Variants in TMEM132C observed in about 807,000 individuals in gnomAD.
TMEM132C encodes the protein transmembrane protein 132C.
TMEM132C carries 29 observed loss-of-function variants against 61.4 expected under a neutral mutation model. The observed-to-expected ratio is 0.47, with a 90% CI of 0.35 to 0.64. The LOEUF (loss-of-function observed/expected upper bound fraction) is 0.64, where lower values mean the gene tolerates loss of function less well. TMEM132C is among the 30% of genes least tolerant of loss of function. TMEM132C has a pLI of 0.00. For synonymous variants in TMEM132C, 656 were observed against 633.1 expected, an observed-to-expected ratio of 1.04 and a Z score of -0.54; for missense variants, 1,408 against 1,476.9, an observed-to-expected ratio of 0.95 and a Z score of 0.76.
chr12:128,384,878 A>G (rs1463459334), intron 1 of TMEM132C, among the ~76,000 whole-genome samples: 4 of 152,136 alleles, frequency 2.6e-5, no homozygotes, highest in African/African-American at 4.8e-5. Flanking sequence ...ATGCCATGTA[A>G]ATAGAGTCCC....
intron 3 of TMEM132C, among the ~76,000 whole-genome samples, chr12:128,615,787 C>T (rs915726147): frequency 5.3e-5 from 8 of 152,328 alleles, no homozygotes; most frequent in Non-Finnish European, 1.2e-4. Flanking sequence ...CAGCCTATAG[C>T]ATCTGCCACA....
At chr12:128,542,221 C>G (rs943113947) in intron 2 of TMEM132C, among the ~76,000 whole-genome samples, 1 of 152,190 alleles carries the variant, frequency 6.6e-6, no homozygotes, top group African/African-American at 2.4e-5. Flanking sequence ...GTTTTATCCA[C>G]TGAACTCCCA....
intron 3 of TMEM132C, among the ~76,000 whole-genome samples, chr12:128,571,216 C>T (rs1385108778): frequency 2.0e-5 from 3 of 152,130 alleles, no homozygotes; most frequent in Admixed American, 6.5e-5. Context: ...GCGGAGTCAC[C>T]GAATTAACCA....
intron 1 of TMEM132C, among the ~76,000 whole-genome samples, chr12:128,369,793 C>T (rs1212253199): frequency 1.1e-4 from 16 of 152,168 alleles, no homozygotes; most frequent in Admixed American, 9.8e-4. Flanking sequence ...CTTGTTTCAT[C>T]GAGGCGTGCT....
At chr12:128,429,910 A>T in intron 2 of TMEM132C, among the ~76,000 whole-genome samples, 1 of 152,108 alleles carries the variant, frequency 6.6e-6, no homozygotes, top group East Asian at 1.9e-4. Context: ...GGGAGAGCTA[A>T]AGGGTGCAGC....
chr12:128,568,154 TTCTTTTCAAAAACACC>T (rs1874763721), intron 3 of TMEM132C, among the ~76,000 whole-genome samples: 1 of 152,204 alleles, frequency 6.6e-6, no homozygotes, highest in Non-Finnish European at 1.5e-5. Context: ...ATTGCTTCGT[TTCTTTTCAAAAACACC>T]TCTTAACAAT....
At chr12:128,438,301 G>A (rs569310193) in intron 2 of TMEM132C, among the ~76,000 whole-genome samples, 5 of 152,204 alleles carry the variant, frequency 3.3e-5, no homozygotes, top group African/African-American at 1.2e-4. Context: ...GGTGGGGTGG[G>A]AATGAGTGCT....
intron 1 of TMEM132C, among the ~76,000 whole-genome samples, chr12:128,376,993 C>G: frequency 6.6e-6 from 1 of 152,146 alleles, no homozygotes; most frequent in East Asian, 1.9e-4. Context: ...GACTCCCCTT[C>G]AGGGAGATGC....
intron 1 of TMEM132C, among the ~76,000 whole-genome samples, chr12:128,382,635 T>C (rs1369254383): frequency 6.6e-6 from 1 of 152,234 alleles, no homozygotes; most frequent in African/African-American, 2.4e-5. Flanking sequence ...CCAGCTTTAA[T>C]AATAATGATT....
In TMEM132C at chr12:128,550,395, T is replaced by A. The variant is rs138994212; in HGVS notation, c.1121+6292T>A. Among the ~76,000 whole-genome samples the A allele has an allele frequency of 1.9e-3, 287 of 152,106 alleles. 2 individuals carry two copies. Among genetic ancestry groups the A allele is most frequent in the Non-Finnish European group, 3.2e-3 (215 of 67,966 alleles). ...AGGACTCACTGTAGCCTTGACTTCC[T>A]GGGCTCAAGCGATCCTCCTCTCAAG... On this transcript the variant is annotated intron_variant, in intron 3 of 8. Transcript: ENST00000435159.
intron 3 of TMEM132C, among the ~76,000 whole-genome samples, chr12:128,599,769 A>T (rs1011198857): frequency 6.6e-6 from 1 of 152,138 alleles, no homozygotes; most frequent in Non-Finnish European, 1.5e-5. Flanking sequence ...TGTTAGTGTA[A>T]ATTATTCCAG....
intron 2 of TMEM132C, among the ~76,000 whole-genome samples, chr12:128,427,029 G>A (rs1002735718): frequency 6.6e-6 from 1 of 152,140 alleles, no homozygotes; most frequent in Non-Finnish European, 1.5e-5. Context: ...AGGATAAGGT[G>A]GCAAGTGATG....
chr12:128,594,988 G>A (rs2135569129), intron 3 of TMEM132C, among the ~76,000 whole-genome samples: 1 of 152,332 alleles, frequency 6.6e-6, no homozygotes, highest in Middle Eastern at 3.4e-3. Context: ...ACGAGCTTCG[G>A]TGGTGACTGC....
At position 128,351,281 on chromosome 12, in the gene TMEM132C, G is replaced by T. The variant is rs542942254; in HGVS notation, c.86-63451G>T. On this transcript the variant is annotated intron_variant, in intron 1 of 8. Coordinates refer to ENST00000435159, the MANE Select transcript of TMEM132C (RefSeq NM_001136103.3). ...ACTATAAGGAGACTGGACTCCTAGG[G>T]GCTGAGAAGGGACATAGAAAGGTCT... Among the ~76,000 whole-genome samples, 5 of 152,198 alleles carry T rather than the reference G, an allele frequency of 3.3e-5. No individual in the cohort carries two copies. The South Asian group carries it at 1.0e-3, about 32-fold the overall frequency.
chr12:128,427,413 T>TGC (rs1869228429), intron 2 of TMEM132C, among the ~76,000 whole-genome samples: 2 of 141,054 alleles, frequency 1.4e-5, no homozygotes. Flanking sequence ...TGTGTGTGTG[T>TGC]GTGTGTGTGT....
intron 2 of TMEM132C, among the ~76,000 whole-genome samples, chr12:128,487,538 A>T (rs1871541995): frequency 6.6e-6 from 1 of 151,368 alleles, no homozygotes; most frequent in South Asian, 2.1e-4. Flanking sequence ...ACACACGTGA[A>T]AGGCGTAGAT....
Position 128,706,183 on chromosome 12 carries a change from A to C in TMEM132C, c.3215A>C (p.Asn1072Thr). ...IPPDDSCPTV[N>T]SIVSSNDEDI... ...CCGGACGACAGCTGCCCCACGGTGA[A>C]CTCCATCGTCAGCAGCAATGATGAG... Residue 1072 changes from asparagine to threonine, a missense_variant, in exon 9 of 9, where the codon AAC becomes ACC. Transcript: ENST00000435159. 1 of 1,550,682 alleles carries C rather than the reference A, an allele frequency of 6.4e-7. No homozygotes were observed. Among genetic ancestry groups the C allele is most frequent in the Non-Finnish European group, 8.7e-7 (1 of 1,146,434 alleles).
intron 3 of TMEM132C, among the ~76,000 whole-genome samples, chr12:128,592,446 A>C (rs925772771): frequency 6.6e-6 from 1 of 152,228 alleles, no homozygotes; most frequent in Admixed American, 6.5e-5. Context: ...GGATGGACAA[A>C]TGATGGAAGG....
chr12:128,559,685 T>C (rs1239488587), intron 3 of TMEM132C, among the ~76,000 whole-genome samples: 1 of 152,168 alleles, frequency 6.6e-6, no homozygotes, highest in Non-Finnish European at 1.5e-5. Flanking sequence ...GAAATCGTGC[T>C]ATGGATTTTT....
Sources: gnomAD v4.1 joint callset for allele counts (sites outside exome capture counted in the v4.1 genomes callset) on GRCh38, gnomAD v4.1.1 for gene constraint, MANE v1.5 for transcripts, NCBI Gene and HGNC (gene_info 2026-07-23, HGNC 2026-07-21) for gene names.